Variants in NUMB observed in about 807,000 individuals in gnomAD.
NUMB encodes the protein protein numb homolog.
A neutral mutation model predicts 59.7 loss-of-function variants in NUMB; 29 were observed. The ratio of observed to expected loss-of-function variants is 0.49; its 90% confidence interval spans 0.36 to 0.66. The LOEUF (loss-of-function observed/expected upper bound fraction) is 0.66. Among genes scored for constraint, NUMB ranks in the 30% least tolerant of loss-of-function variants. The pLI, the probability that NUMB is intolerant of heterozygous loss-of-function variation, is 0.00. For synonymous variants in NUMB, 288 were observed against 288.2 expected (o/e 1.00, Z 0.01); for missense variants, 723 against 822.0 (o/e 0.88, Z 1.47).
intron 8 of NUMB, among the ~76,000 whole-genome samples, chr14:73,292,501 A>G (rs1889465651): frequency 2.0e-5 from 3 of 152,174 alleles, no homozygotes; most frequent in South Asian, 4.1e-4. Context: ...GACCATTTTT[A>G]CCTTCCTTTA....
In NUMB at chr14:73,276,868, G is replaced by A. The variant is rs144420582; in HGVS notation, c.1666C>T (p.Leu556=). Residue 556 remains leucine, a synonymous_variant, in exon 13 of 13, where the codon CTG becomes TTG. Coordinates refer to ENST00000555238, the MANE Select transcript of NUMB (RefSeq NM_001005743.2). Reference sequence around the variant, plus strand: ...TGAGGGAATGTCTGCTGCCTGACCAGGCTGGGTGACTGATGGGGATGGGCA... The same window carrying A: ...TGAGGGAATGTCTGCTGCCTGACCAAGCTGGGTGACTGATGGGGATGGGCA... ...QAAHPHQSPS[L]VRQQTFPHYE... 3.7e-5 allele frequency: 59 copies of A among 1,613,990 alleles called. No homozygotes were observed. The highest frequency in any genetic ancestry group is 1.3e-4 in the Admixed American group (8 of 60,002).
chr14:73,324,281 T>C (rs191573537), intron 4 of NUMB, among the ~76,000 whole-genome samples: 2 of 152,266 alleles, frequency 1.3e-5, no homozygotes. Context: ...CATAGTCCCA[T>C]AGGTTGTCAC....
chr14:73,331,011 G>A lies in NUMB; in HGVS notation c.127-7807C>T, dbSNP rs186631776. On this transcript the variant is annotated intron_variant, in intron 4 of 12. Transcript: ENST00000555238. ...GGGTGCTGCTGGTACAAGTCCCAGA[G>A]TCCAAAGGCTGGAGAGCCTGAAGTC... 1.8e-3 allele frequency among the ~76,000 whole-genome samples: 270 copies of A among 152,312 alleles called. 1 individual carries two copies. The highest frequency in any genetic ancestry group is 6.2e-3 in the African/African-American group (258 of 41,564).
At chr14:73,408,185 C>T (rs149375612) in intron 2 of NUMB, among the ~76,000 whole-genome samples, 2,178 of 151,740 alleles carry the variant, frequency 0.014, 28 homozygotes, top group Non-Finnish European at 0.022. Flanking sequence ...TGAGATTGCG[C>T]CACTGCACTC....
intron 2 of NUMB, among the ~76,000 whole-genome samples, chr14:73,385,496 C>CTTTTT (rs35526624): frequency 1.2e-4 from 8 of 65,350 alleles, no homozygotes; most frequent in African/African-American, 4.7e-4. Context: ...GGCTAGTGGC[C>CTTTTT]TTTTTTTTTT....
At chr14:73,363,340 C>T (rs1215939824) in intron 3 of NUMB, among the ~76,000 whole-genome samples, 1 of 151,846 alleles carries the variant, frequency 6.6e-6, no homozygotes, top group East Asian at 1.9e-4. Flanking sequence ...GGTTCAATTC[C>T]TACAAAAAGA....
intron 2 of NUMB, among the ~76,000 whole-genome samples, chr14:73,405,804 C>T (rs1896634514): frequency 6.6e-6 from 1 of 152,004 alleles, no homozygotes; most frequent in African/African-American, 2.4e-5. Flanking sequence ...TTTCTTCTCT[C>T]TCTGTCCATA....
intron 1 of NUMB, among the ~76,000 whole-genome samples, chr14:73,418,573 A>G (rs1212937816): frequency 6.6e-6 from 1 of 152,034 alleles, no homozygotes; most frequent in Non-Finnish European, 1.5e-5. Flanking sequence ...GGAGTTCAAG[A>G]CCAGCCTGAC....
At chr14:73,453,379 G>A (rs1884122077) in intron 1 of NUMB, among the ~76,000 whole-genome samples, 1 of 152,004 alleles carries the variant, frequency 6.6e-6, no homozygotes, top group African/African-American at 2.4e-5. Context: ...TGATCCACCC[G>A]CCTCAGCCTC....
intron 1 of NUMB, chr14:73,458,203 C>T (rs528709640): frequency 6.5e-6 from 1 of 152,806 alleles, no homozygotes; most frequent in Admixed American, 6.5e-5. Flanking sequence ...CGCGCTAGAC[C>T]GGAGCAGCTG....
chr14:73,446,840 A>G (rs1195131004), intron 1 of NUMB, among the ~76,000 whole-genome samples: 1 of 151,790 alleles, frequency 6.6e-6, no homozygotes, highest in African/African-American at 2.4e-5. Flanking sequence ...GGAGTTGGAG[A>G]ACAGCCTGGG....
At chr14:73,379,808 G>A (rs760281036) in intron 2 of NUMB, among the ~76,000 whole-genome samples, 3 of 152,160 alleles carry the variant, frequency 2.0e-5, no homozygotes, top group Non-Finnish European at 4.4e-5. Context: ...TATACTAAGT[G>A]AAGGGAGGCG....
chr14:73,372,305 T>TTA (rs3028704), intron 2 of NUMB, among the ~76,000 whole-genome samples: 12,285 of 85,756 alleles, frequency 0.14, 985 homozygotes, highest in Middle Eastern at 0.23. Flanking sequence ...TATATTTCTT[T>TTA]TATATATATA....
intron 6 of NUMB, among the ~76,000 whole-genome samples, chr14:73,304,608 GA>G (rs1890321447): frequency 6.6e-6 from 1 of 152,024 alleles, no homozygotes; most frequent in South Asian, 2.1e-4. Flanking sequence ...ATGCCCAGCT[GA>G]AACCACTTTT....
intron 4 of NUMB, among the ~76,000 whole-genome samples, chr14:73,339,990 TG>T (rs566136358): frequency 5.2e-5 from 7 of 135,296 alleles, no homozygotes; most frequent in South Asian, 2.6e-4. Context: ...ATGGAAGTGG[TG>T]GGGGGGACAC....
At chr14:73,330,798 G>T (rs1012334412) in intron 4 of NUMB, among the ~76,000 whole-genome samples, 1 of 152,224 alleles carries the variant, frequency 6.6e-6, no homozygotes, top group African/African-American at 2.4e-5. Context: ...CAGATGGATA[G>T]ATGAATGAAT....
At chr14:73,379,440 T>C (rs991516872) in intron 2 of NUMB, among the ~76,000 whole-genome samples, 4 of 152,178 alleles carry the variant, frequency 2.6e-5, no homozygotes, top group African/African-American at 9.7e-5. Flanking sequence ...CTCACGGTAG[T>C]TGCACTTTAT....
In NUMB at chr14:73,279,369, T is replaced by C; in HGVS notation, c.1152A>G (p.Leu384=). 2 of 1,611,808 alleles carry C rather than the reference T, an allele frequency of 1.2e-6. No individual in the cohort carries two copies. The highest frequency in any genetic ancestry group is 8.5e-7 in the Non-Finnish European group (1 of 1,178,850). ...CACGCACAGGCATTGCTACGGGTGC[T>C]AGAGCAGTATGGGCTGGCTTAGCAA... ...HVLAKPAHTA[L]APVAMPVRET... Residue 384 remains leucine (L), a synonymous_variant, in exon 12 of 13, where the codon CTA becomes CTG. Transcript: ENST00000555238.
chr14:73,372,336 T>A lies in NUMB; in HGVS notation c.-100-5355A>T, dbSNP rs866758384. Among the ~76,000 whole-genome samples, 254 of 87,282 alleles carry A rather than the reference T, an allele frequency of 2.9e-3. 3 individuals carry two copies. The highest frequency in any genetic ancestry group is 9.8e-3 in the African/African-American group (245 of 24,892). 57.3% of individuals were successfully genotyped at this position (87,282 alleles called of 152,430 possible). ...ATATATATATATATATATATATATA[T>A]AACCTTTTATATATATATATATAAC... is the stretch of plus-strand genomic sequence containing the variant. On this transcript the variant is annotated intron_variant, in intron 2 of 12. Coordinates refer to ENST00000555238, the MANE Select transcript of NUMB (RefSeq NM_001005743.2).
Sources: allele counts gnomAD v4.1 joint callset (sites outside exome capture counted in the v4.1 genomes callset), GRCh38; gene constraint gnomAD v4.1.1; transcripts MANE v1.5; gene names NCBI Gene and HGNC (gene_info 2026-07-23, HGNC 2026-07-21).